ACSL1: variants seen among roughly 807,000 people sequenced by gnomAD.
ACSL1 encodes long-chain-fatty-acid--CoA ligase 1.
In ACSL1, 41 loss-of-function variants were observed where a neutral mutation model predicts 98.4. The observed-to-expected ratio is 0.42, with a 90% CI of 0.32 to 0.54. The LOEUF (loss-of-function observed/expected upper bound fraction) is 0.54, where lower values mean the gene tolerates loss of function less well. ACSL1 is among the 20% of genes least tolerant of loss of function. ACSL1 has a pLI of 0.13. For synonymous variants in ACSL1, 316 were observed against 322.7 expected (o/e 0.98, Z 0.22); for missense variants, 734 against 883.1 (o/e 0.83, Z 2.14).
Position 184,766,780 on chromosome 4 carries a change from G to C in ACSL1, c.1129-24C>G. On this transcript the variant is annotated intron_variant, in intron 12 of 20. Transcript: ENST00000281455. The surrounding 1 kb of genome is among the most constrained non-coding windows in gnomAD (Gnocchi z 4.8). Reference sequence around the variant, plus strand: ...ATCTAATGAGGCAAGACATGAGAAAGTTTTCACACCTACTAGGATGGCCAG... The same window carrying C: ...ATCTAATGAGGCAAGACATGAGAAACTTTTCACACCTACTAGGATGGCCAG... 1 of 1,602,848 alleles carries C rather than the reference G, an allele frequency of 6.2e-7. No homozygotes were observed. Among genetic ancestry groups the C allele is most frequent in the Admixed American group, 1.7e-5 (1 of 59,642 alleles).
In ACSL1 at chr4:184,766,386, GAA is replaced by G. The variant is rs1454194204; in HGVS notation, c.1263+234_1263+235del. Among the ~76,000 whole-genome samples, 1 of 152,170 alleles carries G rather than the reference GAA, an allele frequency of 6.6e-6. No homozygotes were observed. Among genetic ancestry groups the G allele is most frequent in the Non-Finnish European group, 1.5e-5 (1 of 68,034 alleles). ...AAAAACGCAACAAAATGGAGAATGAGAAAGGCTCCACTACCCTGACTCCTTTT... is the reference window on the plus strand; with the variant it reads ...AAAAACGCAACAAAATGGAGAATGAGAGGCTCCACTACCCTGACTCCTTTT... On this transcript the variant is annotated intron_variant, in intron 13 of 20. Transcript: ENST00000281455. The surrounding 1 kb of genome is among the most constrained non-coding windows in gnomAD (Gnocchi z 4.8).
At chr4:184,812,312 G>A (rs1332065057) in intron 1 of ACSL1, 1 of 832,990 alleles carries the variant, frequency 1.2e-6, no homozygotes, top group Non-Finnish European at 1.4e-6. Context: ...ATGACCCTCT[G>A]TGATTCTGAC....
At chr4:184,793,649 G>A (rs191147491) in intron 2 of ACSL1, among the ~76,000 whole-genome samples, 38 of 152,266 alleles carry the variant, frequency 2.5e-4, no homozygotes, top group African/African-American at 7.7e-4. Context: ...GACGCAGGGC[G>A]AAAGTGAGAA....
chr4:184,781,921 T>C (rs11931086), intron 4 of ACSL1, among the ~76,000 whole-genome samples: 2,216 of 152,304 alleles, frequency 0.015, 60 homozygotes, highest in African/African-American at 0.051. Flanking sequence ...CCTGGAGTTA[T>C]TTTCTTTATT....
Position 184,757,984 on chromosome 4 carries a change from T to A in ACSL1, c.1783-64A>T, listed in dbSNP as rs924125483. Reference sequence around the variant, plus strand: ...CAAATGCTCTAAAATAGTGGTTCTTTATTTTTCCATCTTGTGGCCCCCTGG... The same window carrying A: ...CAAATGCTCTAAAATAGTGGTTCTTAATTTTTCCATCTTGTGGCCCCCTGG... On this transcript the variant is annotated intron_variant, in intron 18 of 20. Transcript: ENST00000281455. This position sits in a 1 kb window ranked among gnomAD's most constrained non-coding sequence, Gnocchi z 4.5. 4.7e-6 allele frequency: 7 copies of A among 1,496,844 alleles called. No individual in the cohort carries two copies. The highest frequency in any genetic ancestry group is 6.5e-6 in the Non-Finnish European group (7 of 1,079,174). 92.7% of individuals were successfully genotyped at this position (1,496,844 alleles called of 1,614,324 possible). A position where few individuals can be genotyped will look rare whatever the true frequency, so the allele number is the denominator to read the frequency against.
intron 1 of ACSL1, among the ~76,000 whole-genome samples, chr4:184,804,836 A>G (rs912166694): frequency 1.3e-5 from 2 of 152,226 alleles, no homozygotes; most frequent in African/African-American, 4.8e-5. Flanking sequence ...TATTTCCTCT[A>G]CCAACGCTCT....
intron 2 of ACSL1, among the ~76,000 whole-genome samples, chr4:184,793,545 A>C (rs556073288): frequency 1.3e-5 from 2 of 152,336 alleles, no homozygotes; most frequent in South Asian, 4.1e-4. Flanking sequence ...TCATAGACTC[A>C]TTCATCTCCA....
intron 2 of ACSL1, among the ~76,000 whole-genome samples, chr4:184,791,004 T>C (rs182479019): frequency 6.6e-6 from 1 of 152,136 alleles, no homozygotes. Context: ...AATGAGTGGG[T>C]GTGAAAAGAG....
intron 17 of ACSL1, among the ~76,000 whole-genome samples, chr4:184,761,002 G>A (rs969208873): frequency 1.3e-5 from 2 of 152,220 alleles, no homozygotes; most frequent in African/African-American, 4.8e-5. Context: ...TTTGGGAAGA[G>A]TGAGTCAACT....
rs200881098 is a variant in ACSL1, at chr4:184,786,417, A to AGCAC, written c.310+2196_310+2199dup. Among the ~76,000 whole-genome samples the AGCAC allele has an allele frequency of 6.5e-3, 147 of 22,576 alleles. 1 individual carries two copies. The highest frequency in any genetic ancestry group is 0.033 in the East Asian group (5 of 150). 14.8% of individuals were successfully genotyped at this position (22,576 alleles called of 152,430 possible). A position where few individuals can be genotyped will look rare whatever the true frequency, so the allele number is the denominator to read the frequency against. ...TATATGTGCTCTGTGGTGGTGGCAA[A>AGCAC]GCACACACACACACACACACACACA... On this transcript the variant is annotated intron_variant, in intron 3 of 20. Coordinates refer to ENST00000281455, the MANE Select transcript of ACSL1 (RefSeq NM_001995.5).
intron 1 of ACSL1, among the ~76,000 whole-genome samples, chr4:184,804,691 T>C (rs1240707883): frequency 1.3e-5 from 2 of 152,162 alleles, no homozygotes; most frequent in Non-Finnish European, 2.9e-5. Flanking sequence ...GTGCCTCAGT[T>C]TCCTCATCTG....
chr4:184,825,162 G>A lies in ACSL1; in HGVS notation c.-33+754C>T, dbSNP rs963379725. On this transcript the variant is annotated intron_variant, in intron 1 of 20. Transcript: ENST00000281455. The surrounding 1 kb of genome is among the most constrained non-coding windows in gnomAD (Gnocchi z 4.7). The stretch of plus-strand genomic sequence containing the variant: ...GAAGGGGTTTCCACACTCTCACAAC[G>A]CACCGACTGGGGGAACGCCTGTCCC... 4 of 984,876 alleles carry A rather than the reference G, an allele frequency of 4.1e-6. No homozygotes were observed. Among genetic ancestry groups the A allele is most frequent in the African/African-American group, 3.5e-5 (2 of 57,196 alleles). 61.0% of individuals were successfully genotyped at this position (984,876 alleles called of 1,614,324 possible).
intron 15 of ACSL1, among the ~76,000 whole-genome samples, chr4:184,764,502 T>C (rs950998157): frequency 6.6e-6 from 1 of 152,224 alleles, no homozygotes; most frequent in Non-Finnish European, 1.5e-5. Context: ...TTGTTTAAAA[T>C]GACCAGCAAA....
chr4:184,814,547 T>C (rs72695685), intron 1 of ACSL1, among the ~76,000 whole-genome samples: 7,785 of 152,254 alleles, frequency 0.051, 242 homozygotes, highest in Middle Eastern at 0.085. Flanking sequence ...TTTTTACTAC[T>C]ATGTTGTTGT....
At position 184,773,507 on chromosome 4, in the gene ACSL1, G is replaced by T. The variant is rs1236378264; in HGVS notation, c.841+156C>A. On this transcript the variant is annotated intron_variant, in intron 9 of 20. Coordinates refer to ENST00000281455, the MANE Select transcript of ACSL1 (RefSeq NM_001995.5). The surrounding 1 kb of genome is among the most constrained non-coding windows in gnomAD (Gnocchi z 4.3). ...ATCCGGCACTCTTGGACTCTGAGAA[G>T]ATCTTACAGAGCAACAAGAAGACAG... Among the ~76,000 whole-genome samples, 1 of 152,116 alleles carries T rather than the reference G, an allele frequency of 6.6e-6. No individual in the cohort carries two copies. Among genetic ancestry groups the T allele is most frequent in the Non-Finnish European group, 1.5e-5 (1 of 68,022 alleles).
chr4:184,823,601 C>T (rs1209190654), intron 1 of ACSL1, among the ~76,000 whole-genome samples: 1 of 152,148 alleles, frequency 6.6e-6, no homozygotes, highest in Non-Finnish European at 1.5e-5. Flanking sequence ...TCTCAAAAGC[C>T]TCCCCAAACA....
intron 1 of ACSL1, among the ~76,000 whole-genome samples, chr4:184,823,098 C>T (rs1188245711): frequency 6.6e-6 from 1 of 152,188 alleles, no homozygotes; most frequent in Non-Finnish European, 1.5e-5. Flanking sequence ...CTTCTCCAGG[C>T]CCCAGTGTCA....
intron 7 of ACSL1, among the ~76,000 whole-genome samples, chr4:184,775,115 A>C (rs1489128927): frequency 6.6e-6 from 1 of 152,148 alleles, no homozygotes; most frequent in African/African-American, 2.4e-5. Context: ...ACAGCCTTAC[A>C]TCTCTCTTAC....
At chr4:184,770,186 G>A in intron 11 of ACSL1, 1 of 1,329,510 alleles carries the variant, frequency 7.5e-7, no homozygotes, top group South Asian at 1.3e-5. Context: ...CAAATAATCT[G>A]CACCATTTCT....
Sources: allele counts gnomAD v4.1 joint callset (sites outside exome capture counted in the v4.1 genomes callset), GRCh38; gene constraint gnomAD v4.1.1; non-coding constraint Gnocchi (gnomAD v3.1); transcripts MANE v1.5; gene names NCBI Gene and HGNC (gene_info 2026-07-23, HGNC 2026-07-21).